Variants in ATP2B4 observed in about 807,000 individuals in gnomAD.
ATP2B4 encodes the protein plasma membrane calcium-transporting ATPase 4.
A neutral mutation model predicts 110.3 loss-of-function variants in ATP2B4; 39 were observed. The ratio of observed to expected loss-of-function variants is 0.35; its 90% confidence interval spans 0.27 to 0.46. The LOEUF (loss-of-function observed/expected upper bound fraction) is 0.46, where lower values mean the gene tolerates loss of function less well. Among genes scored for constraint, ATP2B4 ranks in the 20% least tolerant of loss-of-function variants. The pLI is 1.00. For missense variants in ATP2B4, 1,135 were observed against 1,530.9 expected (o/e 0.74, Z 4.32); for synonymous variants, 538 against 571.7 (o/e 0.94, Z 0.84).
intron 15 of ATP2B4, among the ~76,000 whole-genome samples, chr1:203,719,310 C>G (rs1283852112): frequency 1.4e-5 from 2 of 145,736 alleles, no homozygotes; most frequent in Admixed American, 6.8e-5. Flanking sequence ...TCATACAAAT[C>G]CGGCTTCCAC....
intron 16 of ATP2B4, among the ~76,000 whole-genome samples, 174 bp downstream of exon 16, chr1:203,720,914 T>A (rs6672336): frequency 0.014 from 2,156 of 152,324 alleles, 57 homozygotes; most frequent in African/African-American, 0.05. Flanking sequence ...AGATGGTAAC[T>A]TACAGGCCTT....
chr1:203,678,970 G>GA (rs1558029881), intron 1 of ATP2B4, among the ~76,000 whole-genome samples: 1 of 152,098 alleles, frequency 6.6e-6, no homozygotes, highest in East Asian at 1.9e-4. Flanking sequence ...AATTTAGGAG[G>GA]AAAAAAGTAA....
At chr1:203,644,884 C>T (rs1663746512) in intron 1 of ATP2B4, among the ~76,000 whole-genome samples, 1 of 152,162 alleles carries the variant, frequency 6.6e-6, no homozygotes, top group African/African-American at 2.4e-5. Context: ...TTGTGCGGCT[C>T]CCTGCAGCCC....
chr1:203,641,844 C>T lies in ATP2B4; in HGVS notation c.-465+14625C>T, dbSNP rs563781685. On this transcript the variant is annotated intron_variant, in intron 1 of 20. Coordinates refer to ENST00000357681, the MANE Select transcript of ATP2B4 (RefSeq NM_001684.5). ...TCCTGGAAGATAAGCTCCATGAGAG[C>T]AATGGTCTTCGCCTTGCTCATTGAT... Among the ~76,000 whole-genome samples, 85 of 152,320 alleles carry T rather than the reference C, an allele frequency of 5.6e-4. No individual in the cohort carries two copies. The South Asian group carries it at 0.017, about 30-fold the overall frequency.
At chr1:203,660,670 G>C (rs768169233) in intron 1 of ATP2B4, among the ~76,000 whole-genome samples, 1 of 152,008 alleles carries the variant, frequency 6.6e-6, no homozygotes, top group Admixed American at 6.6e-5. Flanking sequence ...CATGGTGTGA[G>C]CACCTGTAAT....
chr1:203,738,322 C>T (rs910213935), intron 20 of ATP2B4, among the ~76,000 whole-genome samples: 4 of 152,230 alleles, frequency 2.6e-5, no homozygotes, highest in South Asian at 4.1e-4. Flanking sequence ...TTCTAAGCCA[C>T]GCCTCAGAGA....
chr1:203,662,389 C>T (rs1294842325), intron 1 of ATP2B4, among the ~76,000 whole-genome samples: 1 of 152,120 alleles, frequency 6.6e-6, no homozygotes, highest in East Asian at 1.9e-4. Context: ...GTAGGTTTCC[C>T]ATCACCATCA....
intron 3 of ATP2B4, among the ~76,000 whole-genome samples, chr1:203,698,854 A>G (rs1324927869): frequency 6.6e-6 from 1 of 151,884 alleles, no homozygotes; most frequent in Non-Finnish European, 1.5e-5. Context: ...CCAGACTGGT[A>G]TCAAACTCCT....
rs867355583 is a variant in ATP2B4, at chr1:203,676,683, G to A, written c.-464-6059G>A. Among the ~76,000 whole-genome samples the A allele has an allele frequency of 3.9e-5, 6 of 152,324 alleles. No individual in the cohort carries two copies. In the South Asian group the frequency reaches 1.0e-3, roughly 26 times the overall value. ...TGCTTCTCCCAGATCACCAGGGGGA[G>A]CAAGGCCAAGAGCATGAGACGACTG... On this transcript the variant is annotated intron_variant, in intron 1 of 20. Transcript: ENST00000357681.
At chr1:203,640,226 C>T (rs1307465376) in intron 1 of ATP2B4, among the ~76,000 whole-genome samples, 2 of 152,200 alleles carry the variant, frequency 1.3e-5, no homozygotes, top group African/African-American at 4.8e-5. Flanking sequence ...CCCCTTGACC[C>T]CACTCCCAAG....
chr1:203,666,359 G>A (rs778963222), intron 1 of ATP2B4, among the ~76,000 whole-genome samples: 88 of 152,286 alleles, frequency 5.8e-4, no homozygotes, highest in Non-Finnish European at 1.0e-3. Context: ...AGAGTTGAAA[G>A]GGTCCTGACC....
chr1:203,663,021 T>C (rs1664395241), intron 1 of ATP2B4, among the ~76,000 whole-genome samples: 3 of 152,216 alleles, frequency 2.0e-5, no homozygotes, highest in Admixed American at 6.5e-5. Flanking sequence ...AAAGACCCTA[T>C]TGTTAACCCT....
intron 5 of ATP2B4, 116 bp downstream of exon 5, chr1:203,700,447 TG>T: frequency 7.3e-7 from 1 of 1,375,926 alleles, no homozygotes. Flanking sequence ...GGGGTTCAGC[TG>T]GGGCAACAGC....
At chr1:203,651,569 CAT>C (rs945723924) in intron 1 of ATP2B4, among the ~76,000 whole-genome samples, 3 of 152,118 alleles carry the variant, frequency 2.0e-5, no homozygotes, top group African/African-American at 7.2e-5. Context: ...CCTAAAGAAA[CAT>C]ATTATTTGTA....
chr1:203,672,324 CTTTTTTTTTTTTTTTT>C (rs57144862), intron 1 of ATP2B4, among the ~76,000 whole-genome samples: 1,235 of 79,736 alleles, frequency 0.015, 56 homozygotes, highest in African/African-American at 0.064. Flanking sequence ...TGCGGTGGCT[CTTTTTTTTTTTTTTTT>C]TTTTTTTTTT....
At chr1:203,662,556 T>C (rs1664371863) in intron 1 of ATP2B4, among the ~76,000 whole-genome samples, 1 of 152,240 alleles carries the variant, frequency 6.6e-6, no homozygotes, top group Non-Finnish European at 1.5e-5. Flanking sequence ...AATAGAATTA[T>C]ACTGTATTTG....
intron 1 of ATP2B4, among the ~76,000 whole-genome samples, chr1:203,646,966 TG>T (rs1408939370): frequency 3.3e-5 from 5 of 152,084 alleles, no homozygotes; most frequent in African/African-American, 1.2e-4. Context: ...TAAACAAAAT[TG>T]GGAACACGTT....
At chr1:203,719,240 AAAAAAGC>A (rs200015734) in intron 15 of ATP2B4, among the ~76,000 whole-genome samples, 26,016 of 146,104 alleles carry the variant, frequency 0.18, 3,012 homozygotes, top group East Asian at 0.58. Context: ...AAAAAAAAAA[AAAAAAGC>A]AAGAGAGATA....
At chr1:203,672,085 A>T (rs1289386338) in intron 1 of ATP2B4, among the ~76,000 whole-genome samples, 4 of 152,138 alleles carry the variant, frequency 2.6e-5, no homozygotes, top group African/African-American at 9.7e-5. Flanking sequence ...TCTTATCCGT[A>T]ATATAAGTGC....
Sources: allele counts gnomAD v4.1 joint callset (sites outside exome capture counted in the v4.1 genomes callset), GRCh38; gene constraint gnomAD v4.1.1; transcripts MANE v1.5; gene names NCBI Gene and HGNC (gene_info 2026-07-23, HGNC 2026-07-21).